ZEB1: variants seen among roughly 807,000 people sequenced by gnomAD.
The protein encoded by ZEB1 is zinc finger E-box binding homeobox 1.
A neutral mutation model predicts 84.9 loss-of-function variants in ZEB1; 21 were observed. The observed-to-expected ratio is 0.25, with a 90% CI of 0.18 to 0.36. The LOEUF (loss-of-function observed/expected upper bound fraction) is 0.36, where lower values mean the gene tolerates loss of function less well. ZEB1 is among the 10% of genes least tolerant of loss of function. ZEB1 has a pLI of 1.00. For missense variants in ZEB1, 1,104 were observed against 1,330.2 expected (o/e 0.83, Z 2.65); for synonymous variants, 420 against 471.1 (o/e 0.89, Z 1.41).
rs554433851 is a variant in ZEB1, at chr10:31,489,707, A to G, written c.260-6069A>G. On this transcript the variant is annotated intron_variant, in intron 2 of 8. Coordinates refer to ENST00000424869, the MANE Select transcript of ZEB1 (RefSeq NM_001174096.2). Reference sequence around the variant, plus strand: ...ACTTTTCACAGTCTATTTAGAATCAATCTTTTACCCTGCCAAGTGGATTGT... The same window carrying G: ...ACTTTTCACAGTCTATTTAGAATCAGTCTTTTACCCTGCCAAGTGGATTGT... Among the ~76,000 whole-genome samples, 29 of 151,496 alleles carry G rather than the reference A, an allele frequency of 1.9e-4. No homozygotes were observed. The East Asian group carries it at 1.9e-3, about 10-fold the overall frequency.
chr10:31,384,264 C>T (rs908785074), intron 1 of ZEB1, among the ~76,000 whole-genome samples: 4 of 152,020 alleles, frequency 2.6e-5, no homozygotes, highest in East Asian at 1.9e-4. Context: ...GCTTGAGCCA[C>T]TGCGCATGAC....
At chr10:31,410,185 C>A (rs1474832242) in intron 1 of ZEB1, among the ~76,000 whole-genome samples, 1 of 152,194 alleles carries the variant, frequency 6.6e-6, no homozygotes, top group Non-Finnish European at 1.5e-5. Context: ...TACGTTCCAT[C>A]AATACCTAGT....
rs140451593 is a variant in ZEB1, at chr10:31,429,075, A to C, written c.59-31962A>C. On this transcript the variant is annotated intron_variant, in intron 1 of 8. Transcript: ENST00000424869. ...GAGCCCATTTACATTTAAGGTTAAT[A>C]GTGATATGTGTGGATTTGATGCTGT... 7.3e-4 allele frequency among the ~76,000 whole-genome samples: 111 copies of C among 152,290 alleles called. 1 individual carries two copies. Among genetic ancestry groups the C allele is most frequent in the Non-Finnish European group, 1.2e-3 (85 of 68,020 alleles).
chr10:31,331,081 CTTTTTTT>C (rs548615284), intron 1 of ZEB1, among the ~76,000 whole-genome samples: 59 of 77,848 alleles, frequency 7.6e-4, no homozygotes, highest in Non-Finnish European at 1.2e-3. Flanking sequence ...TTCTTTCTTT[CTTTTTTT>C]TTTTTTTTTT....
chr10:31,518,005 G>A (rs777548691), intron 6 of ZEB1, among the ~76,000 whole-genome samples: 1 of 152,010 alleles, frequency 6.6e-6, no homozygotes, highest in Admixed American at 6.6e-5. Context: ...ATTCCCTTAC[G>A]TACCATTTCT....
chr10:31,499,577 A>G (rs892526124), intron 3 of ZEB1, among the ~76,000 whole-genome samples: 8 of 152,130 alleles, frequency 5.3e-5, no homozygotes, highest in South Asian at 2.1e-4. Context: ...AATCTCATCA[A>G]TAAGGAAGTG....
chr10:31,504,639 T>G (rs1388710548), intron 4 of ZEB1, among the ~76,000 whole-genome samples: 2 of 152,052 alleles, frequency 1.3e-5, no homozygotes, highest in Non-Finnish European at 2.9e-5. Flanking sequence ...TTCATCAATA[T>G]TTTGTAGTTT....
chr10:31,500,176 T>G (rs186255323), intron 3 of ZEB1, among the ~76,000 whole-genome samples: 105 of 152,172 alleles, frequency 6.9e-4, no homozygotes, highest in African/African-American at 2.4e-3. Context: ...CTGTAAGAAA[T>G]CACATAAAAT....
intron 1 of ZEB1, among the ~76,000 whole-genome samples, chr10:31,458,467 C>A (rs954420802): frequency 5.9e-5 from 9 of 151,822 alleles, no homozygotes; most frequent in African/African-American, 2.2e-4. Context: ...AAATCATTCC[C>A]CTTACCCACA....
intron 2 of ZEB1, among the ~76,000 whole-genome samples, chr10:31,468,470 A>G (rs1040214933): frequency 6.6e-6 from 1 of 152,216 alleles, no homozygotes; most frequent in African/African-American, 2.4e-5. Context: ...GCTGGCCTGT[A>G]GGGTGAACTG....
chr10:31,375,425 C>A (rs1164481922), intron 1 of ZEB1, among the ~76,000 whole-genome samples: 2 of 151,664 alleles, frequency 1.3e-5, no homozygotes, highest in African/African-American at 4.8e-5. Context: ...GTTTAGTTGG[C>A]TTTGATGGGT....
intron 1 of ZEB1, among the ~76,000 whole-genome samples, chr10:31,326,361 C>A (rs533503634): frequency 9.9e-4 from 151 of 152,202 alleles, no homozygotes; most frequent in African/African-American, 3.6e-3. Context: ...GCTATTTGCT[C>A]CTATTGCTAC....
At chr10:31,409,067 C>T (rs1370214130) in intron 1 of ZEB1, among the ~76,000 whole-genome samples, 9 of 152,148 alleles carry the variant, frequency 5.9e-5, no homozygotes, top group African/African-American at 9.7e-5. Flanking sequence ...CATACAACCC[C>T]ATCAAAAAGT....
At chr10:31,360,474 T>C (rs1279677880) in intron 1 of ZEB1, among the ~76,000 whole-genome samples, 1 of 152,220 alleles carries the variant, frequency 6.6e-6, no homozygotes, top group Non-Finnish European at 1.5e-5. Flanking sequence ...GGAAATGGTA[T>C]TTGCCTATTT....
intron 4 of ZEB1, among the ~76,000 whole-genome samples, chr10:31,504,768 G>A (rs1479765121): frequency 6.6e-6 from 1 of 152,010 alleles, no homozygotes; most frequent in Non-Finnish European, 1.5e-5. Context: ...CATTATTGGT[G>A]TACAGAAACA....
intron 1 of ZEB1, chr10:31,320,327 G>C (rs1467026375): frequency 6.6e-6 from 1 of 152,222 alleles, no homozygotes; most frequent in Non-Finnish European, 1.5e-5. Flanking sequence ...TCCCCCTCCC[G>C]GGGCAGACGA....
chr10:31,457,046 T>G (rs553201244), intron 1 of ZEB1, among the ~76,000 whole-genome samples: 1 of 152,086 alleles, frequency 6.6e-6, no homozygotes, highest in African/African-American at 2.4e-5. Flanking sequence ...TCTAAAGTCA[T>G]GTTTAAAGAT....
At chr10:31,334,454 A>T (rs1207724652) in intron 1 of ZEB1, among the ~76,000 whole-genome samples, 1 of 152,134 alleles carries the variant, frequency 6.6e-6, no homozygotes, top group Non-Finnish European at 1.5e-5. Context: ...CAACTTATGT[A>T]TAGCTAAAAT....
In ZEB1 at chr10:31,527,427, AC is replaced by A; in HGVS notation, c.*164del. 1 of 705,696 alleles carries A rather than the reference AC, an allele frequency of 1.4e-6. No homozygotes were observed. The highest frequency in any genetic ancestry group is 2.9e-5 in the East Asian group (1 of 35,004). The allele number at this position is 705,696 out of a possible 1,614,324, so 43.7% of individuals were successfully genotyped here. A position where few individuals can be genotyped will look rare whatever the true frequency, so the allele number is the denominator to read the frequency against. ...CAAAATACAAAACACACACACACAC[AC>A]ACACACACACACACACACACACACA... On this transcript the variant is annotated 3_prime_UTR_variant, in exon 9 of 9. Transcript: ENST00000424869.
Sources: allele counts gnomAD v4.1 joint callset (sites outside exome capture counted in the v4.1 genomes callset), GRCh38; gene constraint gnomAD v4.1.1; transcripts MANE v1.5; gene names NCBI Gene and HGNC (gene_info 2026-07-23, HGNC 2026-07-21).